The following PPARGC1A variants were observed in gnomAD, a reference collection of about 807,000 sequenced individuals.
PPARGC1A encodes peroxisome proliferator-activated receptor gamma coactivator 1-alpha.
PPARGC1A carries 25 observed loss-of-function variants against 88.7 expected under a neutral mutation model. That is an observed-to-expected ratio of 0.28 (90% confidence interval 0.21 to 0.39). The LOEUF (loss-of-function observed/expected upper bound fraction) is 0.39. PPARGC1A is among the 10% of genes least tolerant of loss of function. The pLI is 1.00. For missense variants in PPARGC1A, 880 were observed against 968.7 expected (o/e 0.91, Z 1.22); for synonymous variants, 363 against 355.6 (o/e 1.02, Z -0.24).
the PPARGC1A span, among the ~76,000 whole-genome samples, chr4:24,375,317 C>T: frequency 3.3e-5 from 5 of 152,160 alleles, no homozygotes; most frequent in East Asian, 1.9e-4. Context: ...GCTCAAAGTC[C>T]GATTTGTCAA....
In PPARGC1A at chr4:23,795,708, G is replaced by A. The variant is rs747878601; in HGVS notation, c.*114C>T. On this transcript the variant is annotated 3_prime_UTR_variant, in exon 13 of 13. Transcript: ENST00000264867. ...TGTTGTTTTGTTTTGTTTTTGTACA[G>A]AGAGTGTAAAGTAGGAGAAATTCCT... 1.4e-6 allele frequency: 1 copy of A among 711,480 alleles called. No homozygotes were observed. Among genetic ancestry groups the A allele is most frequent in the Admixed American group, 3.0e-5 (1 of 32,932 alleles). The allele number at this position is 711,480 out of a possible 1,614,324, so 44.1% of individuals were successfully genotyped here.
chr4:24,311,818 A>G, the PPARGC1A span, among the ~76,000 whole-genome samples: 2 of 152,204 alleles, frequency 1.3e-5, no homozygotes, highest in African/African-American at 4.8e-5. Context: ...ACAATATCAG[A>G]AGTTCTAATA....
chr4:24,296,181 GTATGTGTGTA>G, the PPARGC1A span, among the ~76,000 whole-genome samples: 5 of 147,686 alleles, frequency 3.4e-5, no homozygotes, highest in African/African-American at 1.3e-4. Flanking sequence ...ATATGTGTGT[GTATGTGTGTA>G]TGTGTGTGTG....
At chr4:24,038,236 C>T in the PPARGC1A span, among the ~76,000 whole-genome samples, 2 of 152,216 alleles carry the variant, frequency 1.3e-5, no homozygotes, top group Non-Finnish European at 2.9e-5. Context: ...CTCTGCGACT[C>T]AGGATTGCCT....
At chr4:24,429,842 G>A in the PPARGC1A span, among the ~76,000 whole-genome samples, 23 of 151,812 alleles carry the variant, frequency 1.5e-4, no homozygotes, top group Non-Finnish European at 3.1e-4. Flanking sequence ...GTAGAGATGG[G>A]GTTTCACCAT....
chr4:24,185,432 C>G, the PPARGC1A span, among the ~76,000 whole-genome samples: 1 of 152,128 alleles, frequency 6.6e-6, no homozygotes, highest in South Asian at 2.1e-4. Flanking sequence ...TGAGCAGCCT[C>G]CAGTACCCTA....
chr4:24,163,031 AAAT>A, the PPARGC1A span, among the ~76,000 whole-genome samples: 7 of 151,878 alleles, frequency 4.6e-5, no homozygotes, highest in African/African-American at 1.7e-4. Context: ...TTTTCTAAAA[AAAT>A]AATATTTTAC....
At chr4:24,219,279 C>A in the PPARGC1A span, among the ~76,000 whole-genome samples, 1 of 152,218 alleles carries the variant, frequency 6.6e-6, no homozygotes, top group Non-Finnish European at 1.5e-5. Flanking sequence ...CAGCAGCGTG[C>A]TTTGAACTCT....
the PPARGC1A span, among the ~76,000 whole-genome samples, chr4:24,313,936 T>C: frequency 6.6e-6 from 1 of 152,180 alleles, no homozygotes; most frequent in African/African-American, 2.4e-5. Context: ...TTACAAGAAG[T>C]TGTAAACTTC....
chr4:24,089,542 G>C, the PPARGC1A span, among the ~76,000 whole-genome samples: 1 of 119,122 alleles, frequency 8.4e-6, no homozygotes, highest in African/African-American at 3.4e-5. Context: ...ACGGAGTCTT[G>C]CTCTATCACC....
At position 23,795,652 on chromosome 4, in the gene PPARGC1A, GTTA is replaced by G. The variant is rs1186180510; in HGVS notation, c.*167_*169del. ...AGCTGTGTTCATGTAAACCATTGTTGTTATTGTTGTTGTTGTTCTTGTTGTATT... is the reference window on the plus strand; with the variant it reads ...AGCTGTGTTCATGTAAACCATTGTTGTTGTTGTTGTTGTTCTTGTTGTATT... On this transcript the variant is annotated 3_prime_UTR_variant, in exon 13 of 13. Coordinates refer to ENST00000264867, the MANE Select transcript of PPARGC1A (RefSeq NM_013261.5). 3.6e-6 allele frequency: 2 copies of G among 561,412 alleles called. No individual in the cohort carries two copies. Among genetic ancestry groups the G allele is most frequent in the Non-Finnish European group, 3.1e-6 (1 of 320,986 alleles). The allele number at this position is 561,412 out of a possible 1,614,324, so 34.8% of individuals were successfully genotyped here.
the PPARGC1A span, among the ~76,000 whole-genome samples, chr4:24,194,614 GCGCGCGCA>G: frequency 0.75 from 102,477 of 137,334 alleles, 38,008 homozygotes; most frequent in Middle Eastern, 0.88. Context: ...TGGCACACAC[GCGCGCGCA>G]CGCGCGCGCA....
chr4:23,899,369 T>A (rs1719020019), upstream of PPARGC1A: 2 of 152,206 alleles, frequency 1.3e-5, no homozygotes, highest in East Asian at 1.9e-4. Flanking sequence ...ACAGGAGTGA[T>A]CTCCTGCATT....
chr4:23,862,151 G>C (rs1731325057), intron 2 of PPARGC1A, among the ~76,000 whole-genome samples: 1 of 152,172 alleles, frequency 6.6e-6, no homozygotes, highest in Admixed American at 6.5e-5. Context: ...GGTCAGTAGG[G>C]CATGAACTGA....
the PPARGC1A span, among the ~76,000 whole-genome samples, chr4:24,083,715 T>C: frequency 2.6e-5 from 4 of 152,216 alleles, no homozygotes; most frequent in East Asian, 1.9e-4. Flanking sequence ...TGAGGCATAA[T>C]TGGGCCTCTG....
At chr4:24,426,804 T>C in the PPARGC1A span, among the ~76,000 whole-genome samples, 5 of 152,220 alleles carry the variant, frequency 3.3e-5, no homozygotes, top group Non-Finnish European at 7.3e-5. Context: ...CTGAAAAATA[T>C]GTACCTTAGG....
chr4:24,311,305 G>T, the PPARGC1A span, among the ~76,000 whole-genome samples: 1 of 146,956 alleles, frequency 6.8e-6, no homozygotes, highest in Non-Finnish European at 1.5e-5. Context: ...GTTTCACCGT[G>T]TTAGCCAGGA....
chr4:23,838,928 C>T (rs1470631806), intron 2 of PPARGC1A, among the ~76,000 whole-genome samples: 1 of 152,126 alleles, frequency 6.6e-6, no homozygotes, highest in East Asian at 1.9e-4. Context: ...ATAATCTGTA[C>T]ATACATTGCT....
rs1717050220 is a variant in PPARGC1A, at chr4:23,793,743, A to G, written c.*2079T>C. ...TGAAGTTTTTATTAAATTTAGCAGA[A>G]GCAATGTCATCAAGAACAACACCAT... On this transcript the variant is annotated 3_prime_UTR_variant, in exon 13 of 13. Transcript: ENST00000264867. The G allele has an allele frequency of 6.6e-6, 1 of 152,144 alleles. No individual in the cohort carries two copies. The highest frequency in any genetic ancestry group is 1.5e-5 in the Non-Finnish European group (1 of 68,024). 9.4% of individuals were successfully genotyped at this position (152,144 alleles called of 1,614,324 possible).
Sources: allele counts gnomAD v4.1 joint callset (sites outside exome capture counted in the v4.1 genomes callset), GRCh38; gene constraint gnomAD v4.1.1; transcripts MANE v1.5; gene names NCBI Gene and HGNC (gene_info 2026-07-23, HGNC 2026-07-21).